The following MACF1 variants were observed in gnomAD, a reference collection of about 807,000 sequenced individuals.
MACF1 encodes the protein microtubule-actin cross-linking factor 1.
A neutral mutation model predicts 854.8 loss-of-function variants in MACF1; 193 were observed. The observed-to-expected ratio is 0.23, with a 90% confidence interval of 0.20 to 0.25. The LOEUF (loss-of-function observed/expected upper bound fraction) is 0.25, where lower values mean the gene tolerates loss of function less well. MACF1 is among the 10% of genes least tolerant of loss of function. MACF1 has a pLI of 1.00. For synonymous variants in MACF1, 3,185 were observed against 3,226.7 expected (o/e 0.99, Z 0.44); for missense variants, 7,722 against 8,929.1 (o/e 0.86, Z 5.45).
chr1:39,283,413 G>A lies in MACF1; in HGVS notation c.813G>A (p.Val271=). 2 of 1,606,932 alleles carry A rather than the reference G, an allele frequency of 1.2e-6. No homozygotes were observed. Among genetic ancestry groups the A allele is most frequent in the Non-Finnish European group, 1.7e-6 (2 of 1,173,510 alleles). ...TTCTTGTCCATTCTCTCTCAGATGT[G>A]GATGTGCCATCTCCAGATGAAAAGT... ...GVTRLLDAED[V]DVPSPDEKSV... The change falls in exon 9 of 101, where the codon GTG becomes GTA. Residue 271 remains valine, a synonymous_variant. Coordinates refer to ENST00000564288, the MANE Select transcript of MACF1 (RefSeq NM_001394062.1). This position sits in a 1 kb window ranked among gnomAD's most constrained non-coding sequence, Gnocchi z 4.5.
chr1:39,187,946 CCCTT>C (rs1644198236), intron 2 of MACF1, among the ~76,000 whole-genome samples: 1 of 124,676 alleles, frequency 8.0e-6, no homozygotes, highest in African/African-American at 2.9e-5. Context: ...CCCTTCCCTT[CCCTT>C]CCCTTCCCTC....
intron 58 of MACF1, among the ~76,000 whole-genome samples, chr1:39,404,580 T>C (rs1017681588): frequency 6.6e-6 from 1 of 152,166 alleles, no homozygotes; most frequent in Admixed American, 6.5e-5. Flanking sequence ...AACCTTGAAC[T>C]CCTGGGCTGA....
At chr1:39,383,744 G>T (rs1034148714) in intron 56 of MACF1, among the ~76,000 whole-genome samples, 2 of 152,048 alleles carry the variant, frequency 1.3e-5, no homozygotes, top group African/African-American at 4.8e-5. Context: ...GGGTGTGGTG[G>T]CGGGTGCCTG....
intron 58 of MACF1, among the ~76,000 whole-genome samples, chr1:39,421,161 G>A (rs1042580219): frequency 4.6e-5 from 7 of 152,106 alleles, no homozygotes; most frequent in Non-Finnish European, 8.8e-5. Flanking sequence ...CACTGTGCCC[G>A]GCCACTTCAT....
chr1:39,451,198 T>C lies in MACF1; in HGVS notation c.20405T>C (p.Met6802Thr). 2.5e-6 allele frequency: 4 copies of C among 1,613,902 alleles called. No individual in the cohort carries two copies. Among genetic ancestry groups the C allele is most frequent in the Non-Finnish European group, 3.4e-6 (4 of 1,179,860 alleles). The change falls in exon 85 of 101, where the codon ATG becomes ACG. Residue 6802 changes from methionine (M) to threonine (T), a missense_variant. By Grantham distance (81) the Met-to-Thr change is moderately conservative (BLOSUM62 -1). Transcript: ENST00000564288. ...HGDLDLVMNL[M>T]DAHKVFQKEL... ...GACCTTGACCTCGTCATGAACCTCA[T>C]GGATGCACACAAGGTAGGGGTGAGG...
In MACF1 at chr1:39,334,465, T is replaced by C; in HGVS notation, c.7877T>C (p.Ile2626Thr). Residue 2626 changes from isoleucine to threonine, a missense_variant, in exon 37 of 101, where the codon ATT becomes ACT. By Grantham distance (89) the Ile-to-Thr change is moderately conservative. Transcript: ENST00000564288. ...ATTGTAGATCCCGAGAACTGCAGAATTGTCCCCTACTCAGAATTAGTCAAG... is the reference window on the plus strand; with the variant it reads ...ATTGTAGATCCCGAGAACTGCAGAACTGTCCCCTACTCAGAATTAGTCAAG... The part of the protein sequence containing the change: ...HGIVDPENCR[I>T]VPYSELVKKC... 9 of 1,614,072 alleles carry C rather than the reference T, an allele frequency of 5.6e-6. No individual in the cohort carries two copies. Among genetic ancestry groups the C allele is most frequent in the Non-Finnish European group, 7.6e-6 (9 of 1,179,982 alleles).
chr1:39,448,143 T>A lies in MACF1; in HGVS notation c.20079T>A (p.Ser6693=), dbSNP rs1396435970. 9.9e-6 allele frequency: 16 copies of A among 1,614,052 alleles called. No individual in the cohort carries two copies. The highest frequency in any genetic ancestry group is 1.4e-5 in the Non-Finnish European group (16 of 1,179,970). Reference sequence around the variant, plus strand: ...CAGACAAAATTAAACTTCAGCTTTCTAAGCATAAGGTAAAGCAGTTAATTG... The same window carrying A: ...CAGACAAAATTAAACTTCAGCTTTCAAAGCATAAGGTAAAGCAGTTAATTG... The part of the protein sequence containing the change: ...NDPDKIKLQL[S]KHKEFQKTLG... The change falls in exon 83 of 101, where the codon TCT becomes TCA. Residue 6693 remains serine, a synonymous_variant. Coordinates refer to ENST00000564288, the MANE Select transcript of MACF1 (RefSeq NM_001394062.1).
At chr1:39,109,071 A>G (rs982869240) in intron 2 of MACF1, among the ~76,000 whole-genome samples, 35 of 152,168 alleles carry the variant, frequency 2.3e-4, no homozygotes, top group African/African-American at 7.7e-4. Context: ...TAGAAAGACT[A>G]TGCTTTGGAT....
chr1:39,260,719 T>C (rs1427725844), intron 6 of MACF1, among the ~76,000 whole-genome samples: 2 of 152,048 alleles, frequency 1.3e-5, no homozygotes, highest in Non-Finnish European at 2.9e-5. Context: ...GTATTATCTC[T>C]AAAAACAACA....
At chr1:39,256,574 G>A (rs1215185473) in intron 5 of MACF1, among the ~76,000 whole-genome samples, 1 of 152,102 alleles carries the variant, frequency 6.6e-6, no homozygotes, top group Non-Finnish European at 1.5e-5. Flanking sequence ...GGACTCTGAG[G>A]GTATGATTGA....
intron 98 of MACF1, 54 bp from the exon 99 acceptor site, chr1:39,480,866 T>G (rs1336465111): frequency 4.2e-6 from 4 of 950,902 alleles, no homozygotes; most frequent in Non-Finnish European, 6.6e-6. Context: ...TGTGCACCCT[T>G]TTTGTTCCTT....
In MACF1 at chr1:39,317,356, G is replaced by T. The variant is rs1366928591; in HGVS notation, c.3731G>T (p.Gly1244Val). The change falls in exon 29 of 101, where the codon GGC (glycine) becomes GTC (valine). Residue 1244 changes from glycine (G) to valine (V), a missense_variant. By Grantham distance (109) the Gly-to-Val change is moderately radical. Transcript: ENST00000564288. ...GATTTGGAGCGCTATCAGGAAAAAGGCTCCCAGCTGCAGGAGCGTTGGCAC... is the reference window on the plus strand; with the variant it reads ...GATTTGGAGCGCTATCAGGAAAAAGTCTCCCAGCTGCAGGAGCGTTGGCAC... ...NLDLERYQEKGSQLQERWHRV... is the reference protein window; with the variant it reads ...NLDLERYQEKVSQLQERWHRV... 3 of 1,613,602 alleles carry T rather than the reference G, an allele frequency of 1.9e-6. No homozygotes were observed. The highest frequency in any genetic ancestry group is 1.1e-5 in the South Asian group (1 of 91,050).
intron 89 of MACF1, among the ~76,000 whole-genome samples, chr1:39,455,414 A>G (rs1482111932): frequency 1.3e-5 from 2 of 152,138 alleles, no homozygotes; most frequent in African/African-American, 4.8e-5. Flanking sequence ...GGTGGATGTA[A>G]GACTGAGGTC....
At chr1:39,223,581 C>T (rs1280912701) in intron 1 of MACF1, among the ~76,000 whole-genome samples, 1 of 151,320 alleles carries the variant, frequency 6.6e-6, no homozygotes, top group Non-Finnish European at 1.5e-5. Flanking sequence ...GTGGTGCCAT[C>T]TTGGCTCACT....
Position 39,381,974 on chromosome 1 carries a change from C to G in MACF1, c.13670C>G (p.Thr4557Ser). ...ACAGATTCCCGATGGGAAAGGGCCA[C>G]TGAGGTTACTGTGGCTCGGCAAAGG... ...EELNSRWERATEVTVARQRQL... is the reference protein window; with the variant it reads ...EELNSRWERASEVTVARQRQL... Residue 4557 changes from threonine (T) to serine (S), a missense_variant, in exon 56 of 101, where the codon ACT (threonine) becomes AGT (serine). Thr to Ser is a moderately conservative substitution (Grantham distance 58). Coordinates refer to ENST00000564288, the MANE Select transcript of MACF1 (RefSeq NM_001394062.1). The G allele has an allele frequency of 1.2e-6, 2 of 1,614,008 alleles. No homozygotes were observed. Among genetic ancestry groups the G allele is most frequent in the Non-Finnish European group, 1.7e-6 (2 of 1,179,972 alleles).
Position 39,335,868 on chromosome 1 carries a change from G to T in MACF1, c.9280G>T (p.Ala3094Ser). 1 of 1,614,054 alleles carries T rather than the reference G, an allele frequency of 6.2e-7. No homozygotes were observed. The highest frequency in any genetic ancestry group is 2.2e-5 in the East Asian group (1 of 44,876). ...AGAAGAAAACTTATCTCGAGAAATTGCCTGTGGGGCCCAGAGTGAACCATT... is the reference window on the plus strand; with the variant it reads ...AGAAGAAAACTTATCTCGAGAAATTTCCTGTGGGGCCCAGAGTGAACCATT... ...KPEENLSREI[A>S]CGAQSEPFPC... The change falls in exon 37 of 101, where the codon GCC (alanine) becomes TCC (serine). Residue 3094 changes from alanine to serine, a missense_variant. This residue lies in a region of MACF1 where 854 missense variants were observed against 852.6 expected (regional missense o/e 1.00). Transcript: ENST00000564288.
intron 2 of MACF1, among the ~76,000 whole-genome samples, chr1:39,121,690 C>T (rs948323066): frequency 3.3e-5 from 5 of 152,148 alleles, no homozygotes; most frequent in East Asian, 1.9e-4. Flanking sequence ...TCAGGTAGTC[C>T]GCTCGTCTTG....
At chr1:39,391,534 C>G (rs916608314) in intron 58 of MACF1, among the ~76,000 whole-genome samples, 1 of 151,938 alleles carries the variant, frequency 6.6e-6, no homozygotes, top group African/African-American at 2.4e-5. Flanking sequence ...TCTATTCCTC[C>G]CTTCTAATCT....
chr1:39,268,684 A>G (rs1571240137), intron 6 of MACF1: 2 of 1,264,384 alleles, frequency 1.6e-6, no homozygotes, highest in Non-Finnish European at 2.0e-6. Flanking sequence ...TGCTGAGATT[A>G]GGAGAGGAAG....
Sources: gnomAD v4.1 joint callset for allele counts (sites outside exome capture counted in the v4.1 genomes callset) on GRCh38, gnomAD v4.1.1 for gene constraint, gnomAD v4.1.1 regional missense constraint, Gnocchi (gnomAD v3.1) non-coding constraint, MANE v1.5 for transcripts, NCBI Gene and HGNC (gene_info 2026-07-23, HGNC 2026-07-21) for gene names.